FBXO38: variants seen among roughly 807,000 people sequenced by gnomAD.
FBXO38 encodes the protein F-box protein 38.
FBXO38 carries 53 observed loss-of-function variants against 131.9 expected under a neutral mutation model. The ratio of observed to expected loss-of-function variants is 0.40; its 90% CI spans 0.32 to 0.51. The LOEUF is 0.51. Ranked by LOEUF, FBXO38 falls within the 20% of genes least tolerant of loss-of-function variation. The pLI is 0.53. For synonymous variants in FBXO38, 452 were observed against 505.6 expected (o/e 0.89, Z 1.42); for missense variants, 1,076 against 1,475.6 (o/e 0.73, Z 4.44).
At position 148,433,725 on chromosome 5, in the gene FBXO38, A is replaced by T. The variant is rs1754177449; in HGVS notation, c.2845A>T (p.Met949Leu). The T allele has an allele frequency of 6.3e-7, 1 of 1,595,856 alleles. No homozygotes were observed. Among genetic ancestry groups the T allele is most frequent in the Non-Finnish European group, 8.6e-7 (1 of 1,167,292 alleles). Reference protein sequence around the residue: ...DLVLKDCPKMMFIHATRCRVL... With the variant: ...DLVLKDCPKMLFIHATRCRVL... ...AGTGCTAAAAGACTGTCCAAAGATG[A>T]TGTTCATCCATGGTATGTATTTGGG... The change falls in exon 17 of 22, where the codon ATG becomes TTG. Residue 949 changes from methionine to leucine, a missense_variant. Around this residue, in one of 8 missense-constraint regions of FBXO38, gnomAD observed 282 missense variants for 418.8 expected, o/e 0.67. Transcript: ENST00000340253.
chr5:148,439,298 G>A (rs1754536311), intron 18 of FBXO38, among the ~76,000 whole-genome samples: 1 of 152,176 alleles, frequency 6.6e-6, no homozygotes, highest in African/African-American at 2.4e-5. Flanking sequence ...TAGGGTATAT[G>A]TTACTACACA....
chr5:148,410,967 A>G (rs779711878), intron 9 of FBXO38: 5 of 514,844 alleles, frequency 9.7e-6, no homozygotes, highest in Non-Finnish European at 1.7e-5. Flanking sequence ...TTAGCATATT[A>G]TAGAAAATAT....
chr5:148,436,822 T>C (rs1561546766), intron 17 of FBXO38, among the ~76,000 whole-genome samples: 1 of 152,202 alleles, frequency 6.6e-6, no homozygotes, highest in Non-Finnish European at 1.5e-5. Context: ...TCCCAGCCAA[T>C]GTGGTCTTTG....
At chr5:148,410,409 C>G (rs1446745227) in intron 8 of FBXO38, 2 of 523,628 alleles carry the variant, frequency 3.8e-6, no homozygotes, top group East Asian at 7.1e-5. Context: ...ATGTGACTTG[C>G]TGCCATCAGT....
At chr5:148,426,381 G>A (rs1467776174) in intron 14 of FBXO38, among the ~76,000 whole-genome samples, 1 of 152,094 alleles carries the variant, frequency 6.6e-6, no homozygotes, top group Non-Finnish European at 1.5e-5. Context: ...ACTGACCCTG[G>A]AACATTTATG....
chr5:148,385,107 G>T (rs1223802904), intron 1 of FBXO38: 2 of 152,098 alleles, frequency 1.3e-5, no homozygotes, highest in South Asian at 2.1e-4. Context: ...AGTCTGGAGG[G>T]TATGTATTAC....
chr5:148,422,363 T>C (rs2113610842), intron 12 of FBXO38, among the ~76,000 whole-genome samples: 1 of 152,268 alleles, frequency 6.6e-6, no homozygotes, highest in South Asian at 2.1e-4. Context: ...CCTCCTTCCA[T>C]GTTTTCATGG....
chr5:148,417,341 A>G (rs906872207), intron 12 of FBXO38, 137 bp downstream of exon 12: 39 of 674,536 alleles, frequency 5.8e-5, no homozygotes, highest in Admixed American at 5.2e-5. Flanking sequence ...GATAAGGAAC[A>G]TGAGGGAGTA....
chr5:148,430,840 T>C (rs951062395), intron 15 of FBXO38: 10 of 152,074 alleles, frequency 6.6e-5, no homozygotes, highest in African/African-American at 2.2e-4. Context: ...AATAAATAAC[T>C]AAGTTGCTTT....
At chr5:148,415,814 G>C in intron 10 of FBXO38, 114 bp from the exon 11 acceptor site, 1 of 1,117,170 alleles carries the variant, frequency 9.0e-7, no homozygotes, top group Non-Finnish European at 1.3e-6. Context: ...TGAAAAAAAG[G>C]AAAAGTTATT....
chr5:148,421,119 A>T (rs1753401111), intron 12 of FBXO38, among the ~76,000 whole-genome samples: 1 of 152,106 alleles, frequency 6.6e-6, no homozygotes, highest in Non-Finnish European at 1.5e-5. Flanking sequence ...GGCGCGTGCC[A>T]TCACACCCAG....
chr5:148,398,747 AAAG>A (rs1258433653), intron 2 of FBXO38, among the ~76,000 whole-genome samples: 1 of 151,878 alleles, frequency 6.6e-6, no homozygotes, highest in African/African-American at 2.4e-5. Flanking sequence ...TGAAAACTCA[AAAG>A]AAGAAAGGCA....
In FBXO38 at chr5:148,399,113, G is replaced by A; in HGVS notation, c.243G>A (p.Trp81Ter). 1 of 1,612,012 alleles carries A rather than the reference G, an allele frequency of 6.2e-7. No individual in the cohort carries two copies. Among genetic ancestry groups the A allele is most frequent in the Non-Finnish European group, 8.5e-7 (1 of 1,179,106 alleles). The change falls in exon 3 of 22, where the codon TGG becomes TGA. Residue 81 changes from tryptophan (W) to a stop codon, truncating the protein, a stop_gained. Coordinates refer to ENST00000340253, the MANE Select transcript of FBXO38 (RefSeq NM_205836.3). LOFTEE classifies it high-confidence loss of function. ...VRVVDLCAGRWWEYMPSGFTD... is the reference protein window; with the variant it reads ...VRVVDLCAGR ...TTGTAGATCTCTGTGCAGGGCGGTG[G>A]TGGGAATACATGCCAAGTGGTAAGT... is the stretch of plus-strand genomic sequence containing the variant.
intron 9 of FBXO38, 70 bp from the exon 10 acceptor site, chr5:148,414,066 C>G (rs1172769576): frequency 2.1e-6 from 3 of 1,428,728 alleles, no homozygotes; most frequent in African/African-American, 1.4e-5. Flanking sequence ...TGGTAAGATA[C>G]AAAGTTGGTA....
chr5:148,392,581 T>TGTGTG, intron 1 of FBXO38, among the ~76,000 whole-genome samples: 1 of 141,948 alleles, frequency 7.0e-6, no homozygotes, highest in African/African-American at 2.7e-5. Flanking sequence ...TTGCTTTTCT[T>TGTGTG]TGTGTGTGTG....
Position 148,406,252 on chromosome 5 carries a change from TCCAGGA to T in FBXO38, c.731-2_734del. ...GTTCTATCAAAGATTTTTTTTTTTT[TCCAGGA>T]CCCACAAATTCCTTGAAATATGTCC... On this transcript the variant is annotated splice_acceptor_variant and splice_polypyrimidine_tract_variant and coding_sequence_variant and intron_variant, in exon 7 of 22. Coordinates refer to ENST00000340253, the MANE Select transcript of FBXO38 (RefSeq NM_205836.3). LOFTEE classifies it high-confidence loss of function. 1 of 1,564,756 alleles carries T rather than the reference TCCAGGA, an allele frequency of 6.4e-7. No individual in the cohort carries two copies. The highest frequency in any genetic ancestry group is 2.1e-5 in the Admixed American group (1 of 47,904).
intron 5 of FBXO38, 78 bp from the exon 6 acceptor site, chr5:148,404,607 C>G (rs1392633745): frequency 4.0e-6 from 5 of 1,258,638 alleles, no homozygotes; most frequent in Non-Finnish European, 5.3e-6. Flanking sequence ...GAAAAATAGA[C>G]TCTTGAACTT....
Position 148,423,985 on chromosome 5 carries a change from A to T in FBXO38, c.1619-13A>T. 6.2e-7 allele frequency: 1 copy of T among 1,605,380 alleles called. No homozygotes were observed. The highest frequency in any genetic ancestry group is 8.5e-7 in the Non-Finnish European group (1 of 1,177,022). On this transcript the variant is annotated splice_polypyrimidine_tract_variant and intron_variant, in intron 12 of 21. Coordinates refer to ENST00000340253, the MANE Select transcript of FBXO38 (RefSeq NM_205836.3). ...TTCTTTTGGTTTTTACTTTGTGTATATTTTCGTTGAAGCATTAAATGAGAT... is the reference window on the plus strand; with the variant it reads ...TTCTTTTGGTTTTTACTTTGTGTATTTTTTCGTTGAAGCATTAAATGAGAT...
intron 8 of FBXO38, among the ~76,000 whole-genome samples, chr5:148,409,667 T>C (rs1056492364): frequency 6.6e-6 from 1 of 152,260 alleles, no homozygotes; most frequent in African/African-American, 2.4e-5. Flanking sequence ...AACACCTCTA[T>C]ATTTTTTAAC....
Sources: allele counts gnomAD v4.1 joint callset (sites outside exome capture counted in the v4.1 genomes callset), GRCh38; gene constraint gnomAD v4.1.1; regional missense constraint gnomAD v4.1.1; transcripts MANE v1.5; gene names NCBI Gene and HGNC (gene_info 2026-07-23, HGNC 2026-07-21).